Variants in ABCC8 observed in about 807,000 individuals in gnomAD.
The protein encoded by ABCC8 is ATP binding cassette subfamily C member 8.
A neutral mutation model predicts 188.0 loss-of-function variants in ABCC8; 137 were observed. The ratio of observed to expected loss-of-function variants is 0.73; its 90% CI spans 0.63 to 0.84. The LOEUF (loss-of-function observed/expected upper bound fraction) is 0.84. Among genes scored for constraint, ABCC8 ranks in the 40% least tolerant of loss-of-function variants. The probability of loss-of-function intolerance (pLI) is 0.00; values close to 1 mark genes in which losing one functional copy is unlikely to be tolerated. For missense variants in ABCC8, 1,750 were observed against 2,072.7 expected (o/e 0.84, Z 3.02); for synonymous variants, 797 against 846.5 (o/e 0.94, Z 1.01).
At chr11:17,458,244 G>A (rs937760890) in intron 6 of ABCC8, among the ~76,000 whole-genome samples, 16 of 152,236 alleles carry the variant, frequency 1.1e-4, no homozygotes, top group African/African-American at 3.9e-4. Flanking sequence ...CTGCCACTGA[G>A]GCAGGGCCAT....
At chr11:17,421,146 G>A (rs1398820355) in intron 16 of ABCC8, among the ~76,000 whole-genome samples, 1 of 152,204 alleles carries the variant, frequency 6.6e-6, no homozygotes, top group Admixed American at 6.5e-5. Flanking sequence ...GCAGGTGCTA[G>A]GCCTTTTCCT....
Position 17,474,984 on chromosome 11 carries a change from T to C in ABCC8, c.192A>G (p.Thr64=). 6.2e-7 allele frequency: 1 copy of C among 1,614,126 alleles called. No homozygotes were observed. The highest frequency in any genetic ancestry group is 1.1e-5 in the South Asian group (1 of 91,074). The change falls in exon 2 of 39, where the codon ACA becomes ACG. Residue 64 remains threonine (T), a synonymous_variant. Coordinates refer to ENST00000389817, the MANE Select transcript of ABCC8 (RefSeq NM_000352.6). ...GGTTGTGCCCAGGGAAATGAAGCCA[T>C]GTGCTGTGGTGGATGTGCACCTTGG... is the stretch of plus-strand genomic sequence containing the variant. ...QSSKVHIHHS[T]WLHFPGHNLR... is the part of the protein sequence containing the mutation.
intron 21 of ABCC8, among the ~76,000 whole-genome samples, chr11:17,411,670 G>T (rs1188984597): frequency 6.6e-6 from 1 of 152,062 alleles, no homozygotes; most frequent in Non-Finnish European, 1.5e-5. Context: ...GATTACTCCA[G>T]CCCTCACAGT....
At chr11:17,412,597 G>T (rs1954865564) in intron 21 of ABCC8, 69 bp downstream of exon 21, 17 of 1,548,628 alleles carry the variant, frequency 1.1e-5, no homozygotes, top group Non-Finnish European at 1.5e-5. Context: ...GGGTTGCGGG[G>T]AGGTGGAGGT....
intron 10 of ABCC8, among the ~76,000 whole-genome samples, chr11:17,435,378 C>A (rs962478507): frequency 6.6e-6 from 1 of 152,098 alleles, no homozygotes; most frequent in Admixed American, 6.5e-5. Context: ...ACCCTCAGCA[C>A]AAATCAAAGG....
intron 6 of ABCC8, among the ~76,000 whole-genome samples, chr11:17,458,309 G>A (rs1048105261): frequency 2.6e-5 from 4 of 152,224 alleles, no homozygotes; most frequent in Non-Finnish European, 5.9e-5. Flanking sequence ...CCAATGAGAC[G>A]GTAATAAACC....
chr11:17,447,284 C>T (rs970907034), intron 8 of ABCC8, among the ~76,000 whole-genome samples: 8 of 152,042 alleles, frequency 5.3e-5, no homozygotes, highest in African/African-American at 1.7e-4. Flanking sequence ...GGAAGAGCTC[C>T]GGGTGGGAGA....
chr11:17,397,447 G>C (rs1291018466), intron 31 of ABCC8, 134 bp from the exon 32 acceptor site: 2 of 1,526,792 alleles, frequency 1.3e-6, no homozygotes, highest in Admixed American at 3.9e-5. Context: ...TGCCTGCTCA[G>C]AGCAGCCCTC....
At chr11:17,440,121 T>C (rs1440484323) in intron 10 of ABCC8, among the ~76,000 whole-genome samples, 2 of 152,160 alleles carry the variant, frequency 1.3e-5, no homozygotes, top group Admixed American at 6.5e-5. Context: ...ACTTCACTGC[T>C]TGCTGTGCCA....
At chr11:17,463,663 A>G (rs925002859) in intron 3 of ABCC8, 59 bp from the exon 4 acceptor site, 1 of 1,550,252 alleles carries the variant, frequency 6.5e-7, no homozygotes, top group Non-Finnish European at 8.7e-7. Context: ...GTACACTCAC[A>G]TAATGTGTGC....
At chr11:17,469,087 T>TTCCC (rs1848337957) in intron 3 of ABCC8, among the ~76,000 whole-genome samples, 1 of 86,182 alleles carries the variant, frequency 1.2e-5, no homozygotes, top group African/African-American at 4.8e-5. Context: ...CCCTCCCTCC[T>TTCCC]TCCTTCCTTC....
intron 11 of ABCC8, among the ~76,000 whole-genome samples, chr11:17,431,795 T>C (rs1159817902): frequency 6.6e-6 from 1 of 152,200 alleles, no homozygotes; most frequent in Non-Finnish European, 1.5e-5. Context: ...AAATGACATA[T>C]CATAGGCCTT....
intron 16 of ABCC8, among the ~76,000 whole-genome samples, chr11:17,422,338 TTC>T (rs1289190513): frequency 6.6e-6 from 1 of 152,184 alleles, no homozygotes; most frequent in Non-Finnish European, 1.5e-5. Context: ...TCTTTTCTTT[TTC>T]TCTCTCCCCA....
chr11:17,400,514 C>G (rs1025164548), intron 29 of ABCC8, among the ~76,000 whole-genome samples: 2 of 152,136 alleles, frequency 1.3e-5, no homozygotes, highest in Non-Finnish European at 2.9e-5. Context: ...AACATCACAA[C>G]TTCCTGGCTG....
intron 29 of ABCC8, among the ~76,000 whole-genome samples, chr11:17,399,318 A>G (rs1349389979): frequency 6.7e-6 from 1 of 150,368 alleles, no homozygotes; most frequent in African/African-American, 2.4e-5. Flanking sequence ...ATAAAAAAGA[A>G]TATTAATGAC....
In ABCC8 at chr11:17,432,068, G is replaced by A. The variant is rs982617451; in HGVS notation, c.1671+136C>T. 34 of 1,235,278 alleles carry A rather than the reference G, an allele frequency of 2.8e-5. No individual in the cohort carries two copies. In the East Asian group the frequency reaches 6.4e-4, roughly 23 times the overall value. The allele number at this position is 1,235,278 out of a possible 1,614,324, so 76.5% of individuals were successfully genotyped here. The stretch of plus-strand genomic sequence containing the variant: ...GGGGCCACACCCTCTATAAACTTTC[G>A]ATCCTATTTTCAGTCTGGCTGTGGA... On this transcript the variant is annotated intron_variant, in intron 11 of 38. Transcript: ENST00000389817.
At chr11:17,435,774 C>T (rs1397132791) in intron 10 of ABCC8, 18 of 1,339,594 alleles carry the variant, frequency 1.3e-5, no homozygotes, top group Non-Finnish European at 1.8e-5. Context: ...CTAGGTCCCA[C>T]ATCAAGTGTC....
At chr11:17,457,067 CAG>C (rs1234473130) in intron 6 of ABCC8, among the ~76,000 whole-genome samples, 2 of 152,136 alleles carry the variant, frequency 1.3e-5, no homozygotes, top group African/African-American at 2.4e-5. Flanking sequence ...GACATTTGAG[CAG>C]AGTCTTGATG....
rs890699383 is a variant in ABCC8, at chr11:17,476,647, A to G, written c.130T>C (p.Phe44Leu). Residue 44 changes from phenylalanine (F) to leucine (L), a missense_variant, in exon 1 of 39, where the codon TTC becomes CTC. Phe to Leu is a conservative substitution (Grantham distance 22). Coordinates refer to ENST00000389817, the MANE Select transcript of ABCC8 (RefSeq NM_000352.6). ...CACTCACCAATGAAGAGGATGGGGA[A>G]GGTGATGAAGAGTAGGAAGACGTGC... ...VPHVFLLFIT[F>L]PILFIGWGSQ... 1.9e-6 allele frequency: 3 copies of G among 1,612,136 alleles called. No individual in the cohort carries two copies. In the Middle Eastern group the frequency reaches 5.0e-4, roughly 266 times the overall value.
Sources: allele counts gnomAD v4.1 joint callset (sites outside exome capture counted in the v4.1 genomes callset), GRCh38; gene constraint gnomAD v4.1.1; transcripts MANE v1.5; gene names NCBI Gene and HGNC (gene_info 2026-07-23, HGNC 2026-07-21).